RBFOX1: variants seen among roughly 807,000 people sequenced by gnomAD.
The protein encoded by RBFOX1 is RNA binding protein fox-1 homolog 1.
Under a neutral mutation model 57.7 loss-of-function variants are expected in RBFOX1, and 8 were observed. That is an observed-to-expected ratio of 0.14 (90% confidence interval 0.08 to 0.25). The LOEUF is 0.25. RBFOX1 is among the 10% of genes least tolerant of loss of function. The probability of loss-of-function intolerance (pLI) is 1.00; values close to 1 mark genes in which losing one functional copy is unlikely to be tolerated. For synonymous variants in RBFOX1, 326 were observed against 222.4 expected (o/e 1.47, Z -4.15); for missense variants, 611 against 548.5 (o/e 1.11, Z -1.14).
intron 4 of RBFOX1, among the ~76,000 whole-genome samples, chr16:7,407,682 C>T: frequency 6.6e-6 from 1 of 152,296 alleles, no homozygotes; most frequent in South Asian, 2.1e-4. Flanking sequence ...TTGCCGTTAA[C>T]ATTCACCTTA....
chr16:6,351,372 A>ATATATTTT (rs1199701253), intron 2 of RBFOX1, among the ~76,000 whole-genome samples: 1 of 86,432 alleles, frequency 1.2e-5, no homozygotes, highest in Non-Finnish European at 2.2e-5. Flanking sequence ...ATATATATAT[A>ATATATTTT]TTTTTTTTTT....
intron 2 of RBFOX1, among the ~76,000 whole-genome samples, chr16:6,651,280 G>T (rs2098593198): frequency 6.6e-6 from 1 of 152,192 alleles, no homozygotes; most frequent in African/African-American, 2.4e-5. Context: ...AGCATGGCCA[G>T]GCTACAGACC....
At chr16:6,365,119 G>A (rs561079426) in intron 2 of RBFOX1, among the ~76,000 whole-genome samples, 1 of 152,228 alleles carries the variant, frequency 6.6e-6, no homozygotes, top group Non-Finnish European at 1.5e-5. Flanking sequence ...GATAAAATTA[G>A]CTTTCCTCTT....
intron 1 of RBFOX1, among the ~76,000 whole-genome samples, chr16:5,397,148 C>G (rs1351942356): frequency 6.6e-6 from 1 of 152,224 alleles, no homozygotes; most frequent in African/African-American, 2.4e-5. Flanking sequence ...AGTGAAACCA[C>G]AGGTGTCTGG....
intron 4 of RBFOX1, among the ~76,000 whole-genome samples, chr16:5,996,916 T>C (rs1415276638): frequency 6.6e-6 from 1 of 152,210 alleles, no homozygotes; most frequent in Non-Finnish European, 1.5e-5. Context: ...AAACCACAGT[T>C]ACTTTTGCAT....
intron 1 of RBFOX1, among the ~76,000 whole-genome samples, chr16:6,267,227 A>C (rs1038911762): frequency 6.6e-6 from 1 of 152,202 alleles, no homozygotes; most frequent in Admixed American, 6.5e-5. Flanking sequence ...AAGTATTTGG[A>C]GTATATGGGC....
At chr16:5,654,780 T>C (rs1001649814) in intron 3 of RBFOX1, among the ~76,000 whole-genome samples, 5 of 152,066 alleles carry the variant, frequency 3.3e-5, no homozygotes, top group Non-Finnish European at 7.4e-5. Flanking sequence ...TTCCTCCTTC[T>C]TCCTTCTTTC....
rs1288857203 is a variant in RBFOX1 at position 7,029,073 on chromosome 16, TATATATATACACACACACACACAC to T, written c.-15-22982_-15-22959del. 3.3e-4 allele frequency among the ~76,000 whole-genome samples: 15 copies of T among 45,620 alleles called. 2 individuals are homozygous for T. Among genetic ancestry groups the T allele is most frequent in the African/African-American group, 3.0e-3 (14 of 4,700 alleles). The allele number at this position is 45,620 out of a possible 152,430, so 29.9% of individuals were successfully genotyped here. A position where few individuals can be genotyped will look rare whatever the true frequency, so the allele number is the denominator to read the frequency against. On this transcript the variant is annotated intron_variant, in intron 3 of 15. Transcript: ENST00000550418. ...ATATATATATATATATATATATATA[TATATATATACACACACACACACAC>T]ACACACACACACACACACACACACA...
intron 3 of RBFOX1, among the ~76,000 whole-genome samples, chr16:5,849,867 CA>C (rs1325840576): frequency 6.6e-6 from 1 of 152,186 alleles, no homozygotes; most frequent in Non-Finnish European, 1.5e-5. Flanking sequence ...TGTTCCCCTC[CA>C]AAAGCATGTT....
chr16:7,572,896 A>C (rs938365506), intron 5 of RBFOX1, among the ~76,000 whole-genome samples: 1 of 134,784 alleles, frequency 7.4e-6, no homozygotes, highest in Non-Finnish European at 1.7e-5. Flanking sequence ...AATGGTACTG[A>C]CATTGAGGAA....
intron 5 of RBFOX1, among the ~76,000 whole-genome samples, chr16:7,529,556 T>C (rs1297578192): frequency 6.6e-6 from 1 of 152,194 alleles, no homozygotes; most frequent in Non-Finnish European, 1.5e-5. Context: ...CATTGACATA[T>C]TTCCACTGCA....
chr16:7,622,841 C>T (rs1191960256), intron 10 of RBFOX1, among the ~76,000 whole-genome samples: 1 of 152,170 alleles, frequency 6.6e-6, no homozygotes, highest in African/African-American at 2.4e-5. Context: ...TAAAACTCTA[C>T]CATAACCCTT....
At chr16:7,205,307 C>G (rs1315391020) in intron 4 of RBFOX1, among the ~76,000 whole-genome samples, 1 of 152,004 alleles carries the variant, frequency 6.6e-6, no homozygotes, top group Non-Finnish European at 1.5e-5. Context: ...CACTTGATGT[C>G]AGGAGTTCAA....
chr16:7,463,041 TATC>T (rs2059866810), intron 4 of RBFOX1, among the ~76,000 whole-genome samples: 1 of 152,170 alleles, frequency 6.6e-6, no homozygotes, highest in Admixed American at 6.5e-5. Flanking sequence ...CTGGTTGGCT[TATC>T]AACAACAGAA....
At chr16:6,094,742 T>C (rs1223061239) in intron 1 of RBFOX1, among the ~76,000 whole-genome samples, 2 of 152,094 alleles carry the variant, frequency 1.3e-5, no homozygotes, top group Non-Finnish European at 2.9e-5. Context: ...AACCTCATAG[T>C]GTTGTTGTGA....
Position 5,827,505 on chromosome 16 carries a change from C to A in RBFOX1, c.319-39798C>A, listed in dbSNP as rs370947875. On this transcript the variant is annotated intron_variant, in intron 3 of 19. Coordinates refer to the RBFOX1 transcript ENST00000641259. ...AACTCTCTATGCACCCCGAGAACTCCCTCCCTCTACATCAAGACTCCGCAA... is the reference window on the plus strand; with the variant it reads ...AACTCTCTATGCACCCCGAGAACTCACTCCCTCTACATCAAGACTCCGCAA... Among the ~76,000 whole-genome samples the A allele has an allele frequency of 1.8e-3, 271 of 152,106 alleles. 2 individuals carry two copies. The highest frequency in any genetic ancestry group is 3.4e-3 in the Middle Eastern group (1 of 294).
At chr16:5,308,448 A>G (rs1248500308) in intron 1 of RBFOX1, among the ~76,000 whole-genome samples, 1 of 152,136 alleles carries the variant, frequency 6.6e-6, no homozygotes, top group Non-Finnish European at 1.5e-5. Context: ...GGCTCAGATA[A>G]TATTTATATA....
chr16:6,830,306 T>C (rs1705415110), intron 3 of RBFOX1, among the ~76,000 whole-genome samples: 1 of 152,216 alleles, frequency 6.6e-6, no homozygotes, highest in Non-Finnish European at 1.5e-5. Context: ...TCTAAAATAA[T>C]ACAGAACTAT....
At chr16:6,414,858 G>A (rs1451096167) in intron 2 of RBFOX1, among the ~76,000 whole-genome samples, 1 of 152,140 alleles carries the variant, frequency 6.6e-6, no homozygotes, top group Admixed American at 6.5e-5. Flanking sequence ...CTGACATCTA[G>A]TGGATATAGG....
Sources: gnomAD v4.1 joint callset for allele counts (sites outside exome capture counted in the v4.1 genomes callset) on GRCh38, gnomAD v4.1.1 for gene constraint, MANE v1.5 for transcripts, NCBI Gene and HGNC (gene_info 2026-07-23, HGNC 2026-07-21) for gene names.